The following HPSE2 variants were observed in gnomAD, a reference collection of about 807,000 sequenced individuals.
The protein encoded by HPSE2 is inactive heparanase-2.
A neutral mutation model predicts 60.5 loss-of-function variants in HPSE2; 38 were observed. The ratio of observed to expected loss-of-function variants is 0.63; its 90% CI spans 0.48 to 0.82. HPSE2 has a LOEUF of 0.82. Ranked by LOEUF, HPSE2 falls within the 40% of genes least tolerant of loss-of-function variation. The pLI is 0.00. For missense variants in HPSE2, 713 were observed against 740.4 expected (o/e 0.96, Z 0.43); for synonymous variants, 295 against 293.2 (o/e 1.01, Z -0.06).
chr10:98,474,213 G>A (rs1940903470), intron 11 of HPSE2, among the ~76,000 whole-genome samples: 1 of 152,194 alleles, frequency 6.6e-6, no homozygotes, highest in Non-Finnish European at 1.5e-5. Context: ...GTTTTTGAGT[G>A]TCTGAGTCGT....
At chr10:99,180,572 A>AG (rs1195901381) in intron 2 of HPSE2, among the ~76,000 whole-genome samples, 1 of 152,200 alleles carries the variant, frequency 6.6e-6, no homozygotes, top group Non-Finnish European at 1.5e-5. Context: ...CAGGCCAGTT[A>AG]GAATGGCGAT....
chr10:98,875,403 A>G (rs1487378846), intron 3 of HPSE2, among the ~76,000 whole-genome samples: 1 of 152,150 alleles, frequency 6.6e-6, no homozygotes. Flanking sequence ...AAATACCTCT[A>G]CGCAAATAAA....
intron 9 of HPSE2, among the ~76,000 whole-genome samples, chr10:98,568,904 G>A (rs1194004787): frequency 5.1e-5 from 2 of 38,998 alleles, no homozygotes; most frequent in East Asian, 0.019. Context: ...CTGCTAACGG[G>A]TTTGGGGTTT....
chr10:98,538,464 G>A (rs1329326248), intron 9 of HPSE2, among the ~76,000 whole-genome samples: 1 of 152,108 alleles, frequency 6.6e-6, no homozygotes, highest in Non-Finnish European at 1.5e-5. Flanking sequence ...GTTTCTTGAA[G>A]CAGCTAAGAG....
At chr10:98,718,754 T>C (rs961877396) in intron 5 of HPSE2, among the ~76,000 whole-genome samples, 4 of 151,536 alleles carry the variant, frequency 2.6e-5, no homozygotes, top group African/African-American at 4.9e-5. Context: ...CTCACGGAGG[T>C]AGAGAATTGG....
chr10:98,855,386 T>C (rs550758838), intron 3 of HPSE2, among the ~76,000 whole-genome samples: 1 of 152,126 alleles, frequency 6.6e-6, no homozygotes, highest in South Asian at 2.1e-4. Flanking sequence ...CTGCCCTTGG[T>C]GGTTCAGGCC....
At chr10:99,294,273 T>C in the HPSE2 span, among the ~76,000 whole-genome samples, 3 of 150,342 alleles carry the variant, frequency 2.0e-5, no homozygotes, top group Non-Finnish European at 4.4e-5. Flanking sequence ...CTAATTTATA[T>C]GTACACATAT....
chr10:98,525,988 G>A (rs999034818), intron 9 of HPSE2, among the ~76,000 whole-genome samples: 3 of 152,180 alleles, frequency 2.0e-5, no homozygotes, highest in Non-Finnish European at 4.4e-5. Flanking sequence ...AGAATGCATT[G>A]TCTAAGATGT....
chr10:98,729,688 A>T (rs998425249), intron 4 of HPSE2, among the ~76,000 whole-genome samples: 1 of 152,112 alleles, frequency 6.6e-6, no homozygotes, highest in African/African-American at 2.4e-5. Context: ...AAATAACTAT[A>T]CTAATATCAG....
At chr10:99,177,764 A>C (rs977530868) in intron 2 of HPSE2, among the ~76,000 whole-genome samples, 2 of 152,164 alleles carry the variant, frequency 1.3e-5, no homozygotes, top group African/African-American at 4.8e-5. Flanking sequence ...GCTCTGGACC[A>C]AGCGACCTGA....
intron 3 of HPSE2, among the ~76,000 whole-genome samples, chr10:99,008,119 G>T (rs939534499): frequency 2.6e-5 from 4 of 152,154 alleles, no homozygotes; most frequent in Non-Finnish European, 5.9e-5. Context: ...GAGCACCAGA[G>T]CCCAGAAGGA....
At chr10:98,780,240 A>G (rs1009027210) in intron 3 of HPSE2, among the ~76,000 whole-genome samples, 18 of 152,264 alleles carry the variant, frequency 1.2e-4, no homozygotes, top group South Asian at 6.2e-4. Flanking sequence ...AAGCTTGCAA[A>G]GTGCTGATAT....
chr10:98,921,095 A>G (rs377471734), intron 3 of HPSE2, among the ~76,000 whole-genome samples: 1 of 152,152 alleles, frequency 6.6e-6, no homozygotes, highest in Non-Finnish European at 1.5e-5. Context: ...GACTTCAGGC[A>G]TGTTTCCCTC....
chr10:99,187,941 T>C (rs1208069931), intron 2 of HPSE2, among the ~76,000 whole-genome samples: 1 of 152,232 alleles, frequency 6.6e-6, no homozygotes, highest in Non-Finnish European at 1.5e-5. Flanking sequence ...TAAATCTTCA[T>C]AGCAGTTTTA....
intron 8 of HPSE2, among the ~76,000 whole-genome samples, chr10:98,618,367 A>G (rs375112726): frequency 7.2e-5 from 11 of 152,248 alleles, no homozygotes; most frequent in African/African-American, 2.6e-4. Flanking sequence ...CTCATTTCAT[A>G]TCATTCCCTA....
chr10:98,490,269 ACACACACAC>A, intron 9 of HPSE2, 73 bp from the exon 10 acceptor site: 1 of 9,306 alleles, frequency 1.1e-4, no homozygotes, highest in Non-Finnish European at 2.4e-4. Context: ...CATGACACAC[ACACACACAC>A]ACACACACAC....
chr10:98,765,892 T>C (rs1255383272), intron 3 of HPSE2, among the ~76,000 whole-genome samples: 1 of 151,800 alleles, frequency 6.6e-6, no homozygotes, highest in East Asian at 1.9e-4. Flanking sequence ...TCTAATCATC[T>C]ACCTTAAGAA....
chr10:99,130,502 T>C (rs999750452), intron 3 of HPSE2, among the ~76,000 whole-genome samples: 1 of 152,124 alleles, frequency 6.6e-6, no homozygotes, highest in Non-Finnish European at 1.5e-5. Context: ...CTGAGCAAGT[T>C]AGAAAAAGGC....
At chr10:98,475,868 G>A (rs1435626328) in intron 11 of HPSE2, among the ~76,000 whole-genome samples, 1 of 152,160 alleles carries the variant, frequency 6.6e-6, no homozygotes, top group Non-Finnish European at 1.5e-5. Flanking sequence ...CTTTTACACT[G>A]TTGGTGGGAC....
Sources: gnomAD v4.1 joint callset for allele counts (sites outside exome capture counted in the v4.1 genomes callset) on GRCh38, gnomAD v4.1.1 for gene constraint, MANE v1.5 for transcripts, NCBI Gene and HGNC (gene_info 2026-07-23, HGNC 2026-07-21) for gene names.